The following KIF3A variants were observed in gnomAD, a reference collection of about 807,000 sequenced individuals.
KIF3A encodes the protein kinesin-like protein KIF3A.
A neutral mutation model predicts 92.6 loss-of-function variants in KIF3A; 27 were observed. The ratio of observed to expected loss-of-function variants is 0.29; its 90% CI spans 0.21 to 0.40. KIF3A has a LOEUF of 0.40. KIF3A is among the 10% of genes least tolerant of loss of function. The probability of loss-of-function intolerance (pLI) is 1.00; values close to 1 mark genes in which losing one functional copy is unlikely to be tolerated. For missense variants in KIF3A, 581 were observed against 872.6 expected (o/e 0.67, Z 4.21); for synonymous variants, 250 against 275.4 (o/e 0.91, Z 0.92).
At chr5:132,700,622 G>T (rs1353150658) in intron 16 of KIF3A, 25 bp downstream of exon 16, 1 of 1,474,040 alleles carries the variant, frequency 6.8e-7, no homozygotes, top group African/African-American at 1.4e-5. Context: ...TAATTATTAC[G>T]TGAAAGAATG....
rs1187516004 is a variant in KIF3A at position 132,703,136 on chromosome 5, T to G, written c.1467-71A>C. The stretch of plus-strand genomic sequence containing the variant: ...ATTCTACTAATATCATTTCCCAAAA[T>G]TTAAAATTTGGATATACAATTTCAA... On this transcript the variant is annotated intron_variant, in intron 12 of 18. Transcript: ENST00000403231. 1.3e-5 allele frequency: 17 copies of G among 1,359,022 alleles called. No homozygotes were observed. The East Asian group carries it at 3.9e-4, about 31-fold the overall frequency. 84.2% of individuals were successfully genotyped at this position (1,359,022 alleles called of 1,614,324 possible).
At chr5:132,714,771 T>C (rs1461532040) in intron 8 of KIF3A, among the ~76,000 whole-genome samples, 1 of 152,194 alleles carries the variant, frequency 6.6e-6, no homozygotes, top group Non-Finnish European at 1.5e-5. Flanking sequence ...ATGGTTACAA[T>C]GATAAATTTT....
In KIF3A at chr5:132,706,459, T is replaced by C; in HGVS notation, c.1301A>G (p.Asn434Ser). ...IEKPLDKFLP[N>S]QAGKKKVSPD... The stretch of plus-strand genomic sequence containing the variant: ...AAATCAATCACACCAACCTGCTTGA[T>C]CTTGCAATAAGAAGTAGTAAGCAAA... The change falls in exon 11 of 19, where the codon AAT (asparagine) becomes AGT (serine). Residue 434 changes from asparagine (N) to serine (S), a missense_variant and splice_region_variant. This residue lies in a region of KIF3A where 167 missense variants were observed against 205.8 expected (regional missense o/e 0.81). Transcript: ENST00000403231. 4 of 1,542,650 alleles carry C rather than the reference T, an allele frequency of 2.6e-6. No homozygotes were observed. The highest frequency in any genetic ancestry group is 3.5e-6 in the Non-Finnish European group (4 of 1,143,714).
At chr5:132,722,261 G>GA (rs1473733481) in intron 4 of KIF3A, among the ~76,000 whole-genome samples, 4 of 152,052 alleles carry the variant, frequency 2.6e-5, no homozygotes, top group African/African-American at 7.2e-5. Context: ...GAAAGATGAA[G>GA]AAAGAAAATA....
chr5:132,733,302 G>A (rs1355605813), intron 2 of KIF3A, among the ~76,000 whole-genome samples: 1 of 151,990 alleles, frequency 6.6e-6, no homozygotes, highest in Non-Finnish European at 1.5e-5. Context: ...GCTACCTAAA[G>A]AAATCAATTT....
intron 9 of KIF3A, among the ~76,000 whole-genome samples, chr5:132,709,390 G>A (rs1581074467): frequency 6.6e-6 from 1 of 152,126 alleles, no homozygotes; most frequent in South Asian, 2.1e-4. Flanking sequence ...TATTATAGGA[G>A]TGATAAATTA....
intron 11 of KIF3A, among the ~76,000 whole-genome samples, chr5:132,704,343 T>G (rs1216943168): frequency 6.6e-6 from 1 of 151,900 alleles, no homozygotes; most frequent in Non-Finnish European, 1.5e-5. Flanking sequence ...CTTGTTATTA[T>G]GTCAAACTCA....
intron 12 of KIF3A, 31 bp from the exon 13 acceptor site, chr5:132,703,096 C>G (rs1753096456): frequency 6.6e-7 from 1 of 1,525,322 alleles, no homozygotes; most frequent in African/African-American, 1.4e-5. Context: ...ACTCTATATT[C>G]ACTGATGATC....
chr5:132,700,371 A>G lies in KIF3A; in HGVS notation c.1939-87T>C. ...AGGCAAATAACTGAGAAATCCTAAC[A>G]TTACACTAGTAAAACATGATTTGAA... On this transcript the variant is annotated intron_variant, in intron 16 of 18. Transcript: ENST00000403231. 9.7e-6 allele frequency: 8 copies of G among 821,150 alleles called. No individual in the cohort carries two copies. In the South Asian group the frequency reaches 1.1e-4, roughly 11 times the overall value. 50.9% of individuals were successfully genotyped at this position (821,150 alleles called of 1,614,324 possible).
downstream of KIF3A, among the ~76,000 whole-genome samples, chr5:132,690,142 G>C (rs1489196095): frequency 6.6e-6 from 1 of 152,182 alleles, no homozygotes; most frequent in Non-Finnish European, 1.5e-5. Context: ...CTTGAACTCG[G>C]GAGGCAGAGG....
At chr5:132,699,330 G>A (rs199987276) in intron 17 of KIF3A, 35 bp from the exon 18 acceptor site, 3 of 1,603,684 alleles carry the variant, frequency 1.9e-6, no homozygotes, top group African/African-American at 1.3e-5. Context: ...GCACTCTTAA[G>A]GCAAAGAGTT....
chr5:132,709,056 T>C, intron 9 of KIF3A, 78 bp from the exon 10 acceptor site: 2 of 1,137,574 alleles, frequency 1.8e-6, no homozygotes, highest in Non-Finnish European at 2.5e-6. Context: ...CAGAGAAAAA[T>C]TCAGTTTTCA....
intron 17 of KIF3A, chr5:132,699,593 C>G (rs1323143321): frequency 2.2e-6 from 1 of 454,866 alleles, no homozygotes; most frequent in East Asian, 6.7e-5. Flanking sequence ...GAGTCTCACT[C>G]TGTCGCCCAG....
At chr5:132,701,027 G>A (rs1025945015) in intron 15 of KIF3A, among the ~76,000 whole-genome samples, 2 of 151,908 alleles carry the variant, frequency 1.3e-5, no homozygotes, top group African/African-American at 4.8e-5. Context: ...ATATTGTTTT[G>A]GGTGATGAGT....
Position 132,703,626 on chromosome 5 carries a change from GA to G in KIF3A, c.1310-8del. On this transcript the variant is annotated splice_polypyrimidine_tract_variant and splice_region_variant and intron_variant, in intron 11 of 18. Transcript: ENST00000403231. ...GGGGAGACTTTCTTTTTTCCTATTT[GA>G]ATCATTTAATTGCAACAATCACTAA... 3 of 1,586,520 alleles carry G rather than the reference GA, an allele frequency of 1.9e-6. No homozygotes were observed. The highest frequency in any genetic ancestry group is 2.6e-6 in the Non-Finnish European group (3 of 1,166,990).
In KIF3A at chr5:132,702,190, T is replaced by C; in HGVS notation, c.1781A>G (p.His594Arg). 1 of 1,613,712 alleles carries C rather than the reference T, an allele frequency of 6.2e-7. No homozygotes were observed. The highest frequency in any genetic ancestry group is 8.5e-7 in the Non-Finnish European group (1 of 1,179,704). ...CAGTAGGCCTTCAATTTCCCTCTGA[T>C]GTTCTTGTTGGAGATCAGCCATCTA... ...KSEMADLQQE[H>R]QREIEGLLEN... The change falls in exon 15 of 19, where the codon CAT becomes CGT. Residue 594 changes from histidine to arginine, a missense_variant. Physicochemically the swap from His to Arg is conservative, Grantham distance 29. Around this residue, in one of 5 missense-constraint regions of KIF3A, gnomAD observed 45 missense variants for 115.8 expected, o/e 0.39. Transcript: ENST00000403231.
At chr5:132,691,251 TAGA>T (rs1752656667), downstream of KIF3A, among the ~76,000 whole-genome samples, 1 of 152,112 alleles carries the variant, frequency 6.6e-6, no homozygotes. Flanking sequence ...AAAATTCAGA[TAGA>T]AGTATTTTTG....
intron 4 of KIF3A, 56 bp downstream of exon 4, chr5:132,726,072 T>C (rs748151220): frequency 2.3e-6 from 3 of 1,277,050 alleles, no homozygotes; most frequent in African/African-American, 1.5e-5. Context: ...GACCTTAATT[T>C]AGCAAATATT....
chr5:132,700,319 C>T (rs1274452350), intron 16 of KIF3A, 35 bp from the exon 17 acceptor site: 1 of 1,251,146 alleles, frequency 8.0e-7, no homozygotes. Context: ...AGAGAAATGT[C>T]TTAATTAGTA....
Sources: allele counts gnomAD v4.1 joint callset (sites outside exome capture counted in the v4.1 genomes callset), GRCh38; gene constraint gnomAD v4.1.1; regional missense constraint gnomAD v4.1.1; transcripts MANE v1.5; gene names NCBI Gene and HGNC (gene_info 2026-07-23, HGNC 2026-07-21).